The following ZPBP variants were observed in gnomAD, a reference collection of about 807,000 sequenced individuals.
ZPBP encodes the protein zona pellucida binding protein, also known as zona pellucida-binding protein 1.
A neutral mutation model predicts 44.8 loss-of-function variants in ZPBP; 26 were observed. That is an observed-to-expected ratio of 0.58 (90% CI 0.43 to 0.81). ZPBP has a LOEUF of 0.81. ZPBP is among the 30% of genes least tolerant of loss of function. The probability of loss-of-function intolerance (pLI) is 0.00; values close to 1 mark genes in which losing one functional copy is unlikely to be tolerated. For missense variants in ZPBP, 409 were observed against 434.0 expected (o/e 0.94, Z 0.51); for synonymous variants, 174 against 153.2 (o/e 1.14, Z -1.00).
intron 7 of ZPBP, among the ~76,000 whole-genome samples, chr7:49,950,889 A>G (rs952236176): frequency 1.3e-5 from 2 of 151,958 alleles, no homozygotes; most frequent in African/African-American, 4.8e-5. Context: ...GTGTGGTACT[A>G]ACATAAGGAA....
chr7:50,013,681 A>T (rs1314175841), intron 6 of ZPBP, among the ~76,000 whole-genome samples: 1 of 152,094 alleles, frequency 6.6e-6, no homozygotes, highest in Non-Finnish European at 1.5e-5. Flanking sequence ...AATATTAGTC[A>T]TCTTTCTTAA....
At chr7:50,068,320 T>C (rs1801639404) in intron 3 of ZPBP, among the ~76,000 whole-genome samples, 1 of 152,196 alleles carries the variant, frequency 6.6e-6, no homozygotes, top group African/African-American at 2.4e-5. Flanking sequence ...GCCCAACTAC[T>C]GGACACTTTT....
intron 2 of ZPBP, among the ~76,000 whole-genome samples, chr7:49,878,146 C>A (rs764166396): frequency 6.6e-5 from 10 of 152,138 alleles, no homozygotes; most frequent in Admixed American, 4.6e-4. Flanking sequence ...ACAGCCTGGG[C>A]CACACTCAGG....
At chr7:49,979,026 C>T (rs1796657969) in intron 7 of ZPBP, among the ~76,000 whole-genome samples, 1 of 151,866 alleles carries the variant, frequency 6.6e-6, no homozygotes, top group East Asian at 1.9e-4. Context: ...TAGCAACTCA[C>T]TAATTAATAA....
intron 7 of ZPBP, among the ~76,000 whole-genome samples, chr7:49,946,354 T>C (rs1383704197): frequency 1.3e-5 from 2 of 152,174 alleles, no homozygotes; most frequent in African/African-American, 4.8e-5. Flanking sequence ...GAACTCTCCT[T>C]AGCATTTCTT....
intron 2 of ZPBP, among the ~76,000 whole-genome samples, chr7:49,874,330 C>A (rs1481488301): frequency 1.3e-5 from 2 of 152,148 alleles, no homozygotes; most frequent in East Asian, 3.9e-4. Flanking sequence ...CAAATCTTTA[C>A]CATTGTGTAA....
chr7:50,023,900 G>C (rs775838498), intron 5 of ZPBP, among the ~76,000 whole-genome samples: 9 of 151,904 alleles, frequency 5.9e-5, no homozygotes, highest in South Asian at 2.1e-4. Flanking sequence ...CTGGGGGAAA[G>C]AATTAAATAG....
intron 2 of ZPBP, among the ~76,000 whole-genome samples, chr7:49,890,886 T>A (rs1318342803): frequency 6.6e-6 from 1 of 151,560 alleles, no homozygotes; most frequent in Non-Finnish European, 1.5e-5. Context: ...TATCAGGCAA[T>A]AGGAAACTCA....
intron 3 of ZPBP, 42 bp downstream of exon 3, chr7:50,081,732 A>C (rs1273905913): frequency 6.2e-7 from 1 of 1,603,084 alleles, no homozygotes; most frequent in East Asian, 2.2e-5. Context: ...CACACAATTC[A>C]GATACATTTA....
chr7:49,940,685 A>T (rs78297761), intron 7 of ZPBP: 24 of 427,678 alleles, frequency 5.6e-5, no homozygotes, highest in East Asian at 1.6e-4. Flanking sequence ...TGAAATGATT[A>T]AAAAAAAAAA....
chr7:49,984,499 T>A lies in ZPBP; in HGVS notation c.784-980A>T, dbSNP rs183642662. 2.7e-3 allele frequency among the ~76,000 whole-genome samples: 408 copies of A among 152,326 alleles called. 1 individual carries two copies. The highest frequency in any genetic ancestry group is 5.0e-3 in the Non-Finnish European group (340 of 68,024). ...TTTTTCACAGACCAGGGTGGTAGGA[T>A]GTTTTTGGGATGAAACTGTTCTACT... On this transcript the variant is annotated intron_variant, in intron 6 of 7. Coordinates refer to ENST00000046087, the MANE Select transcript of ZPBP (RefSeq NM_007009.3).
At chr7:49,951,027 T>C (rs551271549) in intron 7 of ZPBP, among the ~76,000 whole-genome samples, 22 of 151,906 alleles carry the variant, frequency 1.4e-4, no homozygotes, top group African/African-American at 5.1e-4. Context: ...AATTATTCTG[T>C]AACAACTAGA....
At chr7:49,993,906 A>G (rs908168633) in intron 6 of ZPBP, among the ~76,000 whole-genome samples, 1 of 152,218 alleles carries the variant, frequency 6.6e-6, no homozygotes, top group African/African-American at 2.4e-5. Flanking sequence ...AAAAGGGGTC[A>G]TCCCATCCCC....
chr7:50,053,659 A>G (rs1315367260), intron 4 of ZPBP, among the ~76,000 whole-genome samples: 1 of 152,206 alleles, frequency 6.6e-6, no homozygotes, highest in Non-Finnish European at 1.5e-5. Flanking sequence ...TGTATAACAC[A>G]TTTGGAAATT....
intron 5 of ZPBP, among the ~76,000 whole-genome samples, chr7:50,029,783 A>T (rs6583415): frequency 0.77 from 116,913 of 151,920 alleles, 45,077 homozygotes; most frequent in East Asian, 0.87. Context: ...TTCTATTGGA[A>T]ATAATCTCTT....
chr7:49,984,332 C>T (rs904924011), intron 6 of ZPBP, among the ~76,000 whole-genome samples: 1 of 152,132 alleles, frequency 6.6e-6, no homozygotes, highest in East Asian at 1.9e-4. Flanking sequence ...TGCAAAAACA[C>T]CCACAAAGGG....
chr7:49,919,358 CT>C (rs1488809305), intron 1 of ZPBP: 2 of 152,158 alleles, frequency 1.3e-5, no homozygotes, highest in Non-Finnish European at 2.9e-5. Flanking sequence ...CCATTTTGAA[CT>C]TTTGCATTAA....
intron 3 of ZPBP, among the ~76,000 whole-genome samples, chr7:50,071,188 T>G (rs1291330203): frequency 6.6e-6 from 1 of 152,074 alleles, no homozygotes; most frequent in Admixed American, 6.6e-5. Context: ...GCAAATAGTG[T>G]CTCTGGATAC....
chr7:49,857,553 C>T (rs1790475726), intron 2 of ZPBP, among the ~76,000 whole-genome samples: 1 of 152,064 alleles, frequency 6.6e-6, no homozygotes, highest in Non-Finnish European at 1.5e-5. Flanking sequence ...AAAAAGTGCT[C>T]AACATTGCTA....
Sources: allele counts gnomAD v4.1 joint callset (sites outside exome capture counted in the v4.1 genomes callset), GRCh38; gene constraint gnomAD v4.1.1; transcripts MANE v1.5; gene names NCBI Gene and HGNC (gene_info 2026-07-23, HGNC 2026-07-21).